Variants in RBM19 observed in about 807,000 individuals in gnomAD.
The protein encoded by RBM19 is probable RNA-binding protein 19.
A neutral mutation model predicts 116.8 loss-of-function variants in RBM19; 94 were observed. The ratio of observed to expected loss-of-function variants is 0.80; its 90% CI spans 0.68 to 0.95. The LOEUF (loss-of-function observed/expected upper bound fraction) is 0.95. RBM19 is among the 40% of genes least tolerant of loss of function. The probability of loss-of-function intolerance (pLI) is 0.00; values close to 1 mark genes in which losing one functional copy is unlikely to be tolerated. For missense variants in RBM19, 1,161 were observed against 1,220.7 expected (o/e 0.95, Z 0.73); for synonymous variants, 475 against 494.1 (o/e 0.96, Z 0.51).
chr12:113,836,293 G>C (rs967926226), intron 23 of RBM19, among the ~76,000 whole-genome samples: 1 of 152,164 alleles, frequency 6.6e-6, no homozygotes, highest in Non-Finnish European at 1.5e-5. Context: ...GGTGGAAAAC[G>C]TCTGTCTTGC....
chr12:113,899,315 C>T (rs895604647), intron 21 of RBM19, among the ~76,000 whole-genome samples: 5 of 152,176 alleles, frequency 3.3e-5, no homozygotes, highest in African/African-American at 9.7e-5. Flanking sequence ...TACTGAAGTC[C>T]GAGGCAGGAG....
intron 17 of RBM19, among the ~76,000 whole-genome samples, chr12:113,926,334 G>A (rs1450877786): frequency 6.6e-6 from 1 of 152,144 alleles, no homozygotes. Context: ...CAAGTTGATG[G>A]CGATCAGCCT....
At chr12:113,842,349 C>T (rs1876561976) in intron 23 of RBM19, among the ~76,000 whole-genome samples, 1 of 152,262 alleles carries the variant, frequency 6.6e-6, no homozygotes, top group Non-Finnish European at 1.5e-5. Flanking sequence ...GAGTCCCTTA[C>T]ACAAACATTT....
chr12:113,864,698 G>C (rs1878675285), intron 21 of RBM19, among the ~76,000 whole-genome samples: 2 of 152,204 alleles, frequency 1.3e-5, no homozygotes, highest in South Asian at 4.1e-4. Flanking sequence ...TTCTGTAGTG[G>C]AGGGAGGCTT....
In RBM19 at chr12:113,825,354, G is replaced by A. The variant is rs1341126478; in HGVS notation, c.2786-2033C>T. ...GACAGGGTGGGCTGGGGTGGTGGGGGCTGGCGGCCCGGGGCTCGGACTCCG... is the reference window on the plus strand; with the variant it reads ...GACAGGGTGGGCTGGGGTGGTGGGGACTGGCGGCCCGGGGCTCGGACTCCG... On this transcript the variant is annotated intron_variant, in intron 23 of 23. Coordinates refer to ENST00000261741, the MANE Select transcript of RBM19 (RefSeq NM_016196.4). This position sits in a 1 kb window ranked among gnomAD's most constrained non-coding sequence, Gnocchi z 5.7. 6.6e-6 allele frequency among the ~76,000 whole-genome samples: 1 copy of A among 152,094 alleles called. No homozygotes were observed. The highest frequency in any genetic ancestry group is 2.4e-5 in the African/African-American group (1 of 41,396).
At chr12:113,936,485 C>G (rs536852938) in intron 16 of RBM19, among the ~76,000 whole-genome samples, 20 of 152,230 alleles carry the variant, frequency 1.3e-4, no homozygotes, top group Admixed American at 3.9e-4. Flanking sequence ...GCAGTCCTGA[C>G]AAGAAAGTAC....
In RBM19 at chr12:113,947,352, C is replaced by T. The variant is rs1871114206; in HGVS notation, c.1389G>A (p.Val463=). The change falls in exon 11 of 24, where the codon GTG becomes GTA. Residue 463 remains valine, a synonymous_variant. Coordinates refer to ENST00000261741, the MANE Select transcript of RBM19 (RefSeq NM_016196.4). The part of the protein sequence containing the change: ...PEHAVKAYSE[V]DGQVFQGRML... ...GCCTCACCTGGAATACCTGCCCGTC[C>T]ACCTCCGAGTAGGCCTTCACAGCGT... The T allele has an allele frequency of 6.2e-7, 1 of 1,601,216 alleles. No individual in the cohort carries two copies. Among genetic ancestry groups the T allele is most frequent in the African/African-American group, 1.3e-5 (1 of 74,726 alleles).
At chr12:113,847,564 C>T (rs915126902) in intron 22 of RBM19, among the ~76,000 whole-genome samples, 54 of 151,826 alleles carry the variant, frequency 3.6e-4, no homozygotes, top group East Asian at 1.4e-3. Flanking sequence ...TCTGGTGTGG[C>T]GGATGTTCCA....
At chr12:113,833,259 A>C (rs1875589811) in intron 23 of RBM19, among the ~76,000 whole-genome samples, 2 of 152,200 alleles carry the variant, frequency 1.3e-5, no homozygotes, top group African/African-American at 2.4e-5. Flanking sequence ...GCCTTCCAGA[A>C]GCAAGTCTGG....
intron 2 of RBM19, among the ~76,000 whole-genome samples, chr12:113,960,471 C>G (rs1032650906): frequency 6.6e-6 from 1 of 152,204 alleles, no homozygotes; most frequent in Non-Finnish European, 1.5e-5. Flanking sequence ...AGTACTGATA[C>G]ACCGAGCCTC....
intron 16 of RBM19, 145 bp from the exon 17 acceptor site, chr12:113,927,374 C>T (rs969126647): frequency 2.2e-5 from 20 of 917,740 alleles, no homozygotes; most frequent in East Asian, 5.3e-5. Context: ...GAAGGGGCAC[C>T]GTGATCCCCA....
intron 13 of RBM19, among the ~76,000 whole-genome samples, chr12:113,942,896 C>G (rs1156945735): frequency 6.6e-6 from 1 of 152,184 alleles, no homozygotes; most frequent in Non-Finnish European, 1.5e-5. Context: ...CAGGCGTGAG[C>G]CACTGTGCTT....
intron 1 of RBM19, 141 bp from the exon 2 acceptor site, chr12:113,962,555 A>G: frequency 1.3e-6 from 1 of 783,054 alleles, no homozygotes; most frequent in Non-Finnish European, 2.0e-6. Context: ...TTCTAGTTAC[A>G]ACAGGTTCCA....
Position 113,959,203 on chromosome 12 carries a change from T to C in RBM19, c.571+9A>G, listed in dbSNP as rs780429863. The C allele has an allele frequency of 1.9e-5, 31 of 1,606,476 alleles. No homozygotes were observed. In the East Asian group the frequency reaches 2.7e-4, roughly 14 times the overall value. The stretch of plus-strand genomic sequence containing the variant: ...GTGCGCATGGAGCACACAGTCCCCA[T>C]GCCCTCACCTTCCAGGTCCTCCCCG... On this transcript the variant is annotated intron_variant, in intron 5 of 23. Transcript: ENST00000261741.
intron 15 of RBM19, among the ~76,000 whole-genome samples, chr12:113,937,490 G>A (rs1159785777): frequency 1.3e-5 from 2 of 152,164 alleles, no homozygotes; most frequent in African/African-American, 2.4e-5. Context: ...CTGGTAAAGT[G>A]CAGCTCTCCA....
Position 113,927,147 on chromosome 12 carries a change from C to T in RBM19, c.2151G>A (p.Glu717=), listed in dbSNP as rs762379691. 4 of 1,610,010 alleles carry T rather than the reference C, an allele frequency of 2.5e-6. No individual in the cohort carries two copies. In the East Asian group the frequency reaches 6.7e-5, roughly 27 times the overall value. ...DNSSAKMEEE[E]EEEEEEEESL... ...TCTCTTCTTCTTCTTCCTCTTCCTC[C>T]TCCTCCTCTTCCATCTTTGCTGAAG... Residue 717 remains glutamate (E), a synonymous_variant, in exon 17 of 24, where the codon GAG becomes GAA. Coordinates refer to ENST00000261741, the MANE Select transcript of RBM19 (RefSeq NM_016196.4).
At chr12:113,965,017 A>T (rs1001903978) in intron 1 of RBM19, among the ~76,000 whole-genome samples, 1 of 152,060 alleles carries the variant, frequency 6.6e-6, no homozygotes, top group Non-Finnish European at 1.5e-5. Context: ...CACGCCTGTA[A>T]TCCCAGCACT....
chr12:113,865,778 T>G (rs2135754799), intron 21 of RBM19, among the ~76,000 whole-genome samples: 1 of 151,546 alleles, frequency 6.6e-6, no homozygotes, highest in Non-Finnish European at 1.5e-5. Context: ...CAACACTCTT[T>G]CCAAAGTATC....
At chr12:113,818,467 A>G (rs1298392632), downstream of RBM19, among the ~76,000 whole-genome samples, 2 of 152,174 alleles carry the variant, frequency 1.3e-5, no homozygotes, top group Non-Finnish European at 2.9e-5. Context: ...GCGCCCTGTG[A>G]GTCCCTATCC....
Sources: allele counts gnomAD v4.1 joint callset (sites outside exome capture counted in the v4.1 genomes callset), GRCh38; gene constraint gnomAD v4.1.1; non-coding constraint Gnocchi (gnomAD v3.1); transcripts MANE v1.5; gene names NCBI Gene and HGNC (gene_info 2026-07-23, HGNC 2026-07-21).